The following DPP10 variants were observed in gnomAD, a reference collection of about 807,000 sequenced individuals.
DPP10 encodes inactive dipeptidyl peptidase 10.
In DPP10, 33 loss-of-function variants were observed where a neutral mutation model predicts 120.9. That is an observed-to-expected ratio of 0.27 (90% CI 0.21 to 0.37). DPP10 has a LOEUF of 0.37. DPP10 is among the 10% of genes least tolerant of loss of function. DPP10 has a pLI of 1.00. For missense variants in DPP10, 816 were observed against 942.8 expected, an observed-to-expected ratio of 0.87 and a Z score of 1.76; for synonymous variants, 337 against 326.1, an observed-to-expected ratio of 1.03 and a Z score of -0.36.
chr2:114,873,009 GTAT>G (rs1303544870), intron 1 of DPP10, among the ~76,000 whole-genome samples: 1 of 152,158 alleles, frequency 6.6e-6, no homozygotes, highest in Non-Finnish European at 1.5e-5. Context: ...CAAGCACCCT[GTAT>G]TAAATCACAA....
At chr2:115,810,765 C>G (rs1325980413) in intron 19 of DPP10, among the ~76,000 whole-genome samples, 1 of 152,148 alleles carries the variant, frequency 6.6e-6, no homozygotes, top group Non-Finnish European at 1.5e-5. Context: ...CCACTCTCAA[C>G]CTTGAAACAC....
chr2:115,141,598 T>A (rs1001092496), intron 1 of DPP10, among the ~76,000 whole-genome samples: 1 of 152,240 alleles, frequency 6.6e-6, no homozygotes, highest in African/African-American at 2.4e-5. Context: ...TGTTAATAAC[T>A]TGTTCGACTG....
chr2:114,965,917 G>GATCGCCCC (rs1377817739), intron 1 of DPP10, among the ~76,000 whole-genome samples: 1 of 129,972 alleles, frequency 7.7e-6, no homozygotes, highest in African/African-American at 3.0e-5. Flanking sequence ...GGTGAGCCGA[G>GATCGCCCC]ATCGCCCCAC....
At chr2:114,665,751 GA>G (rs1405024020) in intron 1 of DPP10, among the ~76,000 whole-genome samples, 1 of 152,074 alleles carries the variant, frequency 6.6e-6, no homozygotes, top group Admixed American at 6.5e-5. Flanking sequence ...TCCATGGGAA[GA>G]AAAACAGATC....
chr2:114,952,398 A>C (rs1287037046), intron 1 of DPP10, among the ~76,000 whole-genome samples: 1 of 152,194 alleles, frequency 6.6e-6, no homozygotes, highest in Admixed American at 6.5e-5. Flanking sequence ...CTCTGATAAA[A>C]CATTAACATG....
At chr2:115,499,746 C>A (rs1229322446) in intron 4 of DPP10, 142 bp downstream of exon 4, 1 of 506,398 alleles carries the variant, frequency 2.0e-6, no homozygotes, top group South Asian at 3.8e-5. Context: ...TCATAAGAAT[C>A]AGTAAATCTA....
intron 1 of DPP10, among the ~76,000 whole-genome samples, chr2:115,223,369 G>C (rs1281575516): frequency 2.0e-5 from 3 of 152,048 alleles, no homozygotes; most frequent in Non-Finnish European, 4.4e-5. Context: ...TTTAATTATG[G>C]CTGTGTCAGT....
intron 4 of DPP10, among the ~76,000 whole-genome samples, chr2:115,502,419 T>C (rs1306237001): frequency 6.6e-6 from 1 of 152,150 alleles, no homozygotes; most frequent in Non-Finnish European, 1.5e-5. Flanking sequence ...AAAAATGCTC[T>C]TTATAATTTC....
At chr2:115,723,569 G>C (rs1382315379) in intron 7 of DPP10, among the ~76,000 whole-genome samples, 1 of 149,680 alleles carries the variant, frequency 6.7e-6, no homozygotes, top group African/African-American at 2.5e-5. Flanking sequence ...AAACATCACT[G>C]CTCATTGCTC....
At chr2:114,602,297 T>A (rs1692438161) in intron 1 of DPP10, among the ~76,000 whole-genome samples, 1 of 151,224 alleles carries the variant, frequency 6.6e-6, no homozygotes, top group Non-Finnish European at 1.5e-5. Flanking sequence ...ATTCTATTCC[T>A]GTATGTAATA....
At chr2:115,324,262 C>G (rs1024164091) in intron 2 of DPP10, among the ~76,000 whole-genome samples, 2 of 152,014 alleles carry the variant, frequency 1.3e-5, no homozygotes, top group African/African-American at 4.8e-5. Context: ...GGTGACAGAG[C>G]GACACTCCGT....
chr2:115,116,954 T>C (rs1249022365), intron 1 of DPP10, among the ~76,000 whole-genome samples: 1 of 152,242 alleles, frequency 6.6e-6, no homozygotes, highest in African/African-American at 2.4e-5. Context: ...TTGGAACTAA[T>C]AGAACATATA....
chr2:114,771,919 ACT>A (rs1681298462), intron 1 of DPP10, among the ~76,000 whole-genome samples: 1 of 151,948 alleles, frequency 6.6e-6, no homozygotes, highest in Non-Finnish European at 1.5e-5. Context: ...AACACCCTTT[ACT>A]CTCAGGCCAG....
intron 1 of DPP10, among the ~76,000 whole-genome samples, chr2:114,879,340 C>T (rs1254818667): frequency 1.3e-5 from 2 of 152,064 alleles, no homozygotes; most frequent in Non-Finnish European, 2.9e-5. Context: ...TCATCTGTCA[C>T]TATCATCACT....
chr2:115,120,882 TA>T (rs1428239646), intron 1 of DPP10, among the ~76,000 whole-genome samples: 5 of 152,240 alleles, frequency 3.3e-5, no homozygotes, highest in African/African-American at 1.2e-4. Flanking sequence ...AAAATCTCTT[TA>T]CCTTTATAAC....
chr2:114,909,510 TAA>T (rs1025937700), intron 1 of DPP10, among the ~76,000 whole-genome samples: 4 of 151,920 alleles, frequency 2.6e-5, no homozygotes, highest in African/African-American at 9.7e-5. Context: ...CCAGATTCCC[TAA>T]AATGCATTAC....
intron 3 of DPP10, among the ~76,000 whole-genome samples, chr2:115,497,948 A>G (rs1456947514): frequency 7.0e-6 from 1 of 142,800 alleles, no homozygotes; most frequent in Non-Finnish European, 1.5e-5. Context: ...AAAGTTAATG[A>G]TAAAAAAAAA....
intron 1 of DPP10, among the ~76,000 whole-genome samples, chr2:114,938,433 A>C (rs960588375): frequency 1.3e-5 from 2 of 152,116 alleles, no homozygotes; most frequent in Non-Finnish European, 2.9e-5. Context: ...GATAAATATA[A>C]TAAAACATAC....
chr2:115,810,379 C>T (rs534688603), intron 19 of DPP10, among the ~76,000 whole-genome samples: 13 of 152,206 alleles, frequency 8.5e-5, no homozygotes, highest in African/African-American at 3.1e-4. Context: ...TTTGTGAACC[C>T]GATCAAACAT....
Sources: gnomAD v4.1 joint callset for allele counts (sites outside exome capture counted in the v4.1 genomes callset) on GRCh38, gnomAD v4.1.1 for gene constraint, MANE v1.5 for transcripts, NCBI Gene and HGNC (gene_info 2026-07-23, HGNC 2026-07-21) for gene names.